The following C16orf96 variants were observed in gnomAD, a reference collection of about 807,000 sequenced individuals.
C16orf96 encodes the protein chromosome 16 open reading frame 96.
A neutral mutation model predicts 103.6 loss-of-function variants in C16orf96; 108 were observed. The ratio of observed to expected loss-of-function variants is 1.04; its 90% CI spans 0.89 to 1.22. The LOEUF is 1.22. C16orf96 is among the 50% of genes most tolerant of loss of function. C16orf96 has a pLI of 0.00. For missense variants in C16orf96, 1,586 were observed against 1,464.2 expected, an observed-to-expected ratio of 1.08 and a Z score of -1.36; for synonymous variants, 566 against 593.5, an observed-to-expected ratio of 0.95 and a Z score of 0.67.
At chr16:4,592,579 C>T (rs763053905) in intron 11 of C16orf96, among the ~76,000 whole-genome samples, 5 of 152,214 alleles carry the variant, frequency 3.3e-5, no homozygotes, top group Admixed American at 6.5e-5. Flanking sequence ...TGTTCTGTAC[C>T]GTCAAGTCCA....
chr16:4,564,230 G>GT (rs1222978353), intron 1 of C16orf96, among the ~76,000 whole-genome samples: 1 of 152,082 alleles, frequency 6.6e-6, no homozygotes, highest in Admixed American at 6.6e-5. Flanking sequence ...GCCTTAAAGT[G>GT]TTTTTGGCTG....
In C16orf96 at chr16:4,579,019, G is replaced by C; in HGVS notation, c.2235G>C (p.Arg745Ser). ...QKKIGSLQKS[R>S]LKEEELERIW... ...AGATTGGCAGCCTCCAGAAATCTAG[G>C]CTCAAGGTTAGTGTCTCCGGCGAAG... is the stretch of plus-strand genomic sequence containing the variant. The change falls in exon 6 of 16, where the codon AGG (arginine) becomes AGC (serine). Residue 745 changes from arginine to serine, a missense_variant. Physicochemically the swap from Arg to Ser is moderately radical, Grantham distance 110. Coordinates refer to ENST00000444310, the MANE Select transcript of C16orf96 (RefSeq NM_001145011.2). 6.4e-7 allele frequency: 1 copy of C among 1,551,442 alleles called. No individual in the cohort carries two copies. Among genetic ancestry groups the C allele is most frequent in the South Asian group, 1.2e-5 (1 of 84,054 alleles).
chr16:4,539,702 AAG>A, the C16orf96 span, among the ~76,000 whole-genome samples: 1 of 152,110 alleles, frequency 6.6e-6, no homozygotes, highest in Non-Finnish European at 1.5e-5. Flanking sequence ...GAAAGAAAGA[AAG>A]AAATTACGGT....
intron 14 of C16orf96, among the ~76,000 whole-genome samples, chr16:4,597,766 A>G (rs1201055857): frequency 1.3e-5 from 2 of 152,182 alleles, no homozygotes; most frequent in Non-Finnish European, 2.9e-5. Context: ...CATGTTGGCC[A>G]GGCTGGTCTC....
chr16:4,544,405 A>G, the C16orf96 span, among the ~76,000 whole-genome samples: 3 of 152,314 alleles, frequency 2.0e-5, no homozygotes, highest in African/African-American at 7.2e-5. Flanking sequence ...CAGGAATTTG[A>G]GACCAACCTG....
At chr16:4,547,869 G>C in the C16orf96 span, among the ~76,000 whole-genome samples, 392 of 142,862 alleles carry the variant, frequency 2.7e-3, no homozygotes, top group African/African-American at 9.5e-3. Context: ...CTGAGCTCAA[G>C]CTGTCTTCAG....
chr16:4,600,266 C>T lies in C16orf96; in HGVS notation c.3375C>T (p.His1125=). 2 of 1,551,488 alleles carry T rather than the reference C, an allele frequency of 1.3e-6. No individual in the cohort carries two copies. The highest frequency in any genetic ancestry group is 1.7e-6 in the Non-Finnish European group (2 of 1,146,944). ...CCACCAGGCTCTCAAGAGCTCCACA[C>T]ATTGAGTCCCGAGTCGGCAGGAAGC... ...PGSTRLSRAP[H]IESRVGRKPP... The change falls in exon 16 of 16, where the codon CAC becomes CAT. Residue 1125 remains histidine, a synonymous_variant. Transcript: ENST00000444310.
At position 4,575,690 on chromosome 16, in the gene C16orf96, T is replaced by C. The variant is rs1014223210; in HGVS notation, c.1210T>C (p.Ser404Pro). Residue 404 changes from serine (S) to proline (P), a missense_variant, in exon 5 of 16, where the codon TCT becomes CCT. Transcript: ENST00000444310. ...TCCCCAAGGCTGGCCCAGGGTGGGC[T>C]CTTGGCCTCTGTGGGACTTAGGTGT... ...PLPQGWPRVG[S>P]WPLWDLGVLR... The C allele has an allele frequency of 6.5e-7, 1 of 1,535,002 alleles. No individual in the cohort carries two copies. The highest frequency in any genetic ancestry group is 1.4e-5 in the African/African-American group (1 of 72,756).
chr16:4,555,284 A>G, upstream of C16orf96, among the ~76,000 whole-genome samples: 1 of 102,916 alleles, frequency 9.7e-6, no homozygotes, highest in East Asian at 2.6e-4. Context: ...ACACACACAC[A>G]CACACACACA....
chr16:4,565,650 G>C (rs892452438), intron 1 of C16orf96, among the ~76,000 whole-genome samples: 1 of 152,034 alleles, frequency 6.6e-6, no homozygotes, highest in African/African-American at 2.4e-5. Flanking sequence ...CACCACACCC[G>C]GCTAATTTTT....
rs923545389 is a variant in C16orf96, at chr16:4,571,818, G to T, written c.525+153G>T. On this transcript the variant is annotated intron_variant, in intron 2 of 15. Coordinates refer to ENST00000444310, the MANE Select transcript of C16orf96 (RefSeq NM_001145011.2). ...GACCCTCCAATTGGCCAGTGCCACCGACTTCTCTGTGACCCCTCCATGCTT... is the reference window on the plus strand; with the variant it reads ...GACCCTCCAATTGGCCAGTGCCACCTACTTCTCTGTGACCCCTCCATGCTT... Among the ~76,000 whole-genome samples, 18 of 151,952 alleles carry T rather than the reference G, an allele frequency of 1.2e-4. 1 individual carries two copies. The highest frequency in any genetic ancestry group is 6.6e-5 in the Admixed American group (1 of 15,244).
chr16:4,592,187 C>T lies in C16orf96; in HGVS notation c.2712-118C>T, dbSNP rs1897074346. On this transcript the variant is annotated intron_variant, in intron 10 of 15. Coordinates refer to ENST00000444310, the MANE Select transcript of C16orf96 (RefSeq NM_001145011.2). ...GTTGGAGACTGCAGGGCCTGTGGGGCTGAGCTGGGCCGGGCACTGGCAGGA... is the reference window on the plus strand; with the variant it reads ...GTTGGAGACTGCAGGGCCTGTGGGGTTGAGCTGGGCCGGGCACTGGCAGGA... The T allele has an allele frequency of 3.2e-6, 4 of 1,257,024 alleles. No homozygotes were observed. The South Asian group carries it at 5.3e-5, about 17-fold the overall frequency. 77.9% of individuals were successfully genotyped at this position (1,257,024 alleles called of 1,614,324 possible). A position where few individuals can be genotyped will look rare whatever the true frequency, so the allele number is the denominator to read the frequency against.
At chr16:4,588,727 A>AG (rs1896988680) in intron 9 of C16orf96, among the ~76,000 whole-genome samples, 3 of 131,470 alleles carry the variant, frequency 2.3e-5, no homozygotes, top group Non-Finnish European at 4.7e-5. Context: ...TTTTTTTTTC[A>AG]TACAGGGCCT....
At chr16:4,565,081 G>C (rs553059995) in intron 1 of C16orf96, among the ~76,000 whole-genome samples, 24 of 152,102 alleles carry the variant, frequency 1.6e-4, no homozygotes, top group Non-Finnish European at 2.6e-4. Context: ...TTGTCTGAGG[G>C]GGTGTTTGCC....
In C16orf96 at chr16:4,576,763, C is replaced by A. The variant is rs546166791; in HGVS notation, c.2155+128C>A. ...TGCATTCCACCATTAGCCATTCTTT[C>A]CTTTGGCTTAAGCATTTGGCTCTTA... is the stretch of plus-strand genomic sequence containing the variant. On this transcript the variant is annotated intron_variant, in intron 5 of 15. Transcript: ENST00000444310. 18 of 963,190 alleles carry A rather than the reference C, an allele frequency of 1.9e-5. No homozygotes were observed. The African/African-American group carries it at 2.3e-4, about 12-fold the overall frequency. 59.7% of individuals were successfully genotyped at this position (963,190 alleles called of 1,614,324 possible).
At chr16:4,547,733 T>TTTCTTTCTTTCTTTCC in the C16orf96 span, among the ~76,000 whole-genome samples, 11 of 146,046 alleles carry the variant, frequency 7.5e-5, no homozygotes, top group African/African-American at 2.8e-4. Flanking sequence ...TCTTTCTTTC[T>TTTCTTTCTTTCTTTCC]TTCTCCTTCC....
intron 1 of C16orf96, among the ~76,000 whole-genome samples, chr16:4,571,185 T>A (rs151278123): frequency 5.3e-5 from 8 of 152,010 alleles, no homozygotes; most frequent in Admixed American, 6.6e-5. Flanking sequence ...GACTCCATCT[T>A]AGAAACAAAA....
At chr16:4,561,972 T>C (rs940302435) in intron 1 of C16orf96, among the ~76,000 whole-genome samples, 1 of 152,180 alleles carries the variant, frequency 6.6e-6, no homozygotes, top group African/African-American at 2.4e-5. Flanking sequence ...TGAAACTGTT[T>C]CGTCTAACCC....
chr16:4,567,951 C>T (rs1330983703), intron 1 of C16orf96, among the ~76,000 whole-genome samples: 2 of 152,028 alleles, frequency 1.3e-5, no homozygotes, highest in Non-Finnish European at 2.9e-5. Flanking sequence ...CTGCTGTAGC[C>T]TCTCAAAGTG....
Sources: allele counts gnomAD v4.1 joint callset (sites outside exome capture counted in the v4.1 genomes callset), GRCh38; gene constraint gnomAD v4.1.1; transcripts MANE v1.5; gene names NCBI Gene and HGNC (gene_info 2026-07-23, HGNC 2026-07-21).